MAPK4: variants seen among roughly 807,000 people sequenced by gnomAD.
The protein encoded by MAPK4 is Erk3-related.
Under a neutral mutation model 47.7 loss-of-function variants are expected in MAPK4, and 22 were observed. The observed-to-expected ratio is 0.46, with a 90% confidence interval of 0.33 to 0.66. The LOEUF (loss-of-function observed/expected upper bound fraction) is 0.66, where lower values mean the gene tolerates loss of function less well. MAPK4 is among the 30% of genes least tolerant of loss of function. MAPK4 has a pLI of 0.02. For synonymous variants in MAPK4, 390 were observed against 365.7 expected (o/e 1.07, Z -0.76); for missense variants, 736 against 831.7 (o/e 0.88, Z 1.42).
At chr18:50,589,624 A>T (rs1357223476) in intron 1 of MAPK4, among the ~76,000 whole-genome samples, 1 of 152,048 alleles carries the variant, frequency 6.6e-6, no homozygotes, top group Admixed American at 6.5e-5. Flanking sequence ...TTAACTCTAA[A>T]TGCATGACCG....
At chr18:50,683,856 G>A (rs1488915518) in intron 2 of MAPK4, among the ~76,000 whole-genome samples, 1 of 152,116 alleles carries the variant, frequency 6.6e-6, no homozygotes, top group East Asian at 1.9e-4. Flanking sequence ...TGGCGCTGGA[G>A]TCCAGTGATA....
intron 2 of MAPK4, among the ~76,000 whole-genome samples, chr18:50,676,232 T>C (rs1017046921): frequency 6.6e-6 from 1 of 152,232 alleles, no homozygotes; most frequent in Non-Finnish European, 1.5e-5. Context: ...TTTTGGATCT[T>C]TGTTCTGTCA....
intron 2 of MAPK4, among the ~76,000 whole-genome samples, chr18:50,691,018 G>A (rs904956519): frequency 1.3e-5 from 2 of 151,702 alleles, no homozygotes; most frequent in African/African-American, 2.4e-5. Flanking sequence ...TTTGAGACAG[G>A]GTCTCGCTGT....
intron 1 of MAPK4, among the ~76,000 whole-genome samples, chr18:50,594,390 A>C (rs1391720319): frequency 6.6e-6 from 1 of 152,204 alleles, no homozygotes; most frequent in Non-Finnish European, 1.5e-5. Flanking sequence ...GCAGTAATAA[A>C]GATAGTATAA....
At chr18:50,596,114 A>G (rs2042479329) in intron 1 of MAPK4, among the ~76,000 whole-genome samples, 1 of 152,172 alleles carries the variant, frequency 6.6e-6, no homozygotes, top group African/African-American at 2.4e-5. Context: ...GGCTTCACAC[A>G]TGTTCACCCA....
At chr18:50,604,105 A>C (rs966315716) in intron 1 of MAPK4, among the ~76,000 whole-genome samples, 2 of 152,210 alleles carry the variant, frequency 1.3e-5, no homozygotes, top group Non-Finnish European at 2.9e-5. Context: ...AAGAAAAAAA[A>C]CTCAAATTCT....
chr18:50,685,591 T>A (rs1465107892), intron 2 of MAPK4, among the ~76,000 whole-genome samples: 1 of 152,184 alleles, frequency 6.6e-6, no homozygotes, highest in Admixed American at 6.5e-5. Flanking sequence ...TGGGATTGCT[T>A]ATCCAGCCAG....
rs557628904 is a variant in MAPK4 at position 50,599,579 on chromosome 18, G to A, written c.-871+39336G>A. 7.2e-5 allele frequency among the ~76,000 whole-genome samples: 11 copies of A among 152,114 alleles called. No homozygotes were observed. The East Asian group carries it at 1.4e-3, about 19-fold the overall frequency. On this transcript the variant is annotated intron_variant, in intron 1 of 5. Coordinates refer to ENST00000400384, the MANE Select transcript of MAPK4 (RefSeq NM_002747.4). ...AGTAAAGGCATGTGCCACCACACCC[G>A]GCTAATTTTTTGTATTTTTAGTAGA...
chr18:50,561,806 T>G (rs1010310731), intron 1 of MAPK4, among the ~76,000 whole-genome samples: 2 of 152,204 alleles, frequency 1.3e-5, no homozygotes, highest in Admixed American at 1.3e-4. Context: ...TAAAAAGGCT[T>G]GCTCTGGAAC....
chr18:50,623,299 G>A lies in MAPK4; in HGVS notation c.-870-39790G>A, dbSNP rs937566863. On this transcript the variant is annotated intron_variant, in intron 1 of 5. Coordinates refer to ENST00000400384, the MANE Select transcript of MAPK4 (RefSeq NM_002747.4). ...AGCTCTTGATGCATCAAGCTCCTGC[G>A]AGCCAGCGGGGCTGGTTTCAAAAGA... Among the ~76,000 whole-genome samples, 5 of 152,164 alleles carry A rather than the reference G, an allele frequency of 3.3e-5. No individual in the cohort carries two copies. In the East Asian group the frequency reaches 5.8e-4, roughly 18 times the overall value.
intron 1 of MAPK4, among the ~76,000 whole-genome samples, chr18:50,632,360 T>C (rs1021998123): frequency 1.1e-4 from 16 of 152,182 alleles, no homozygotes; most frequent in African/African-American, 3.9e-4. Flanking sequence ...AATAATTAGA[T>C]TTGCAAAGTT....
chr18:50,586,043 C>G (rs115305886), intron 1 of MAPK4, among the ~76,000 whole-genome samples: 115 of 152,204 alleles, frequency 7.6e-4, no homozygotes, highest in African/African-American at 2.6e-3. Context: ...CTGGGTGTGA[C>G]CATTTCAGTA....
rs146821984 is a variant in MAPK4 at position 50,572,974 on chromosome 18, A to G, written c.-871+12731A>G. Among the ~76,000 whole-genome samples the G allele has an allele frequency of 2.3e-3, 351 of 152,316 alleles. 1 individual carries two copies. The highest frequency in any genetic ancestry group is 4.1e-3 in the Non-Finnish European group (281 of 68,022). On this transcript the variant is annotated intron_variant, in intron 1 of 5. Transcript: ENST00000400384. ...TCCAGTAATGGATACCTAGAAAAGC[A>G]GGTGTATAGCTGTCTATACAGGGGA...
intron 2 of MAPK4, among the ~76,000 whole-genome samples, chr18:50,670,500 C>T (rs1204941167): frequency 1.3e-5 from 2 of 152,074 alleles, no homozygotes; most frequent in African/African-American, 4.8e-5. Context: ...CTCACGCCTG[C>T]AATCCCAGCA....
Position 50,729,284 on chromosome 18 carries a change from C to T in MAPK4, c.1194C>T (p.Arg398=). The T allele has an allele frequency of 3.1e-6, 5 of 1,609,158 alleles. No individual in the cohort carries two copies. Among genetic ancestry groups the T allele is most frequent in the Non-Finnish European group, 4.2e-6 (5 of 1,177,758 alleles). ...CTGAGGACGTGCAGGTGGACCCGCG[C>T]AAGGACTCGCACAGCAGCTCCGAGC... ...PLAEDVQVDP[R]KDSHSSSERF... Residue 398 remains arginine (R), a synonymous_variant, in exon 6 of 6, where the codon CGC becomes CGT. Coordinates refer to ENST00000400384, the MANE Select transcript of MAPK4 (RefSeq NM_002747.4).
At chr18:50,690,833 A>G (rs1352111598) in intron 2 of MAPK4, among the ~76,000 whole-genome samples, 1 of 152,224 alleles carries the variant, frequency 6.6e-6, no homozygotes, top group African/African-American at 2.4e-5. Flanking sequence ...CAATTAAAAA[A>G]TACAAATCTG....
chr18:50,631,140 C>G (rs568678869), intron 1 of MAPK4, among the ~76,000 whole-genome samples: 142 of 152,310 alleles, frequency 9.3e-4, no homozygotes, highest in Non-Finnish European at 1.3e-3. Flanking sequence ...GGTTTCAGCT[C>G]TCATACTGCA....
chr18:50,617,470 C>T (rs746029066), intron 1 of MAPK4, among the ~76,000 whole-genome samples: 8 of 152,160 alleles, frequency 5.3e-5, no homozygotes, highest in Non-Finnish European at 8.8e-5. Flanking sequence ...TTTCCAGGGA[C>T]TAAACCAGAC....
chr18:50,613,122 C>G (rs1360253462), intron 1 of MAPK4, among the ~76,000 whole-genome samples: 1 of 152,188 alleles, frequency 6.6e-6, no homozygotes, highest in African/African-American at 2.4e-5. Context: ...AGTAGCCCCC[C>G]TGTATAATCC....
Sources: allele counts gnomAD v4.1 joint callset (sites outside exome capture counted in the v4.1 genomes callset), GRCh38; gene constraint gnomAD v4.1.1; transcripts MANE v1.5; gene names NCBI Gene and HGNC (gene_info 2026-07-23, HGNC 2026-07-21).